Variants in FDFT1 observed in about 807,000 individuals in gnomAD.
FDFT1 encodes the protein squalene synthase.
In FDFT1, 68 loss-of-function variants were observed where a neutral mutation model predicts 46.8. The observed-to-expected ratio is 1.45, with a 90% CI of 1.19 to 1.78. The LOEUF is 1.78. Among genes scored for constraint, FDFT1 ranks in the 40% most tolerant of loss-of-function variants. The pLI is 0.00. For missense variants in FDFT1, 928 were observed against 524.4 expected (o/e 1.77, Z -7.52); for synonymous variants, 351 against 185.1 (o/e 1.90, Z -7.28).
chr8:11,804,600 C>CTTTTTTTTTT (rs5889385), intron 1 of FDFT1, among the ~76,000 whole-genome samples: 3 of 97,352 alleles, frequency 3.1e-5, no homozygotes, highest in African/African-American at 3.9e-5. Context: ...CTTAGTTTCT[C>CTTTTTTTTTT]TTTTTTTTTT....
In FDFT1 at chr8:11,831,578, G is replaced by C. The variant is rs1440783366; in HGVS notation, c.940G>C (p.Val314Leu). The change falls in exon 7 of 8, where the codon GTG (valine) becomes CTG (leucine). Residue 314 changes from valine (V) to leucine (L), a missense_variant. Val to Leu is a conservative substitution (Grantham distance 32, BLOSUM62 1). Transcript: ENST00000220584. ...YNNQQVFKGA[V>L]KIRKGQAVTL... Reference sequence around the variant, plus strand: ...TAACCAGCAGGTGTTCAAAGGGGCAGTGAAGATTCGGAAAGGGCAAGCAGT... The same window carrying C: ...TAACCAGCAGGTGTTCAAAGGGGCACTGAAGATTCGGAAAGGGCAAGCAGT... 2.5e-6 allele frequency: 4 copies of C among 1,613,966 alleles called. No individual in the cohort carries two copies. The highest frequency in any genetic ancestry group is 3.4e-6 in the Non-Finnish European group (4 of 1,179,912).
chr8:11,826,810 C>T (rs532162709), intron 5 of FDFT1, among the ~76,000 whole-genome samples: 2 of 152,082 alleles, frequency 1.3e-5, no homozygotes, highest in African/African-American at 4.8e-5. Context: ...GTGAGACTCC[C>T]TCTCAAAAGA....
rs540934863 is a variant in FDFT1, at chr8:11,827,722, C to G, written c.702+1507C>G. On this transcript the variant is annotated intron_variant, in intron 5 of 7. Coordinates refer to ENST00000220584, the MANE Select transcript of FDFT1 (RefSeq NM_004462.5). ...TTAAAAATCTGAAAAGATGCTGAGT[C>G]TTACTCCTAAGAAAAATTCACATTT... Among the ~76,000 whole-genome samples, 3 of 152,208 alleles carry G rather than the reference C, an allele frequency of 2.0e-5. No individual in the cohort carries two copies. The East Asian group carries it at 5.8e-4, about 29-fold the overall frequency.
At chr8:11,822,583 G>C (rs533172513) in intron 4 of FDFT1, among the ~76,000 whole-genome samples, 1 of 152,234 alleles carries the variant, frequency 6.6e-6, no homozygotes, top group Non-Finnish European at 1.5e-5. Context: ...GGAGGCTGAG[G>C]TGGGAGGATC....
At chr8:11,804,287 T>C (rs1252555912) in intron 1 of FDFT1, among the ~76,000 whole-genome samples, 2 of 152,220 alleles carry the variant, frequency 1.3e-5, no homozygotes, top group South Asian at 2.1e-4. Flanking sequence ...TATGTCTCTT[T>C]CCTTTCTACA....
At chr8:11,824,184 C>G (rs891447087) in intron 4 of FDFT1, among the ~76,000 whole-genome samples, 2 of 152,134 alleles carry the variant, frequency 1.3e-5, no homozygotes, top group Non-Finnish European at 1.5e-5. Context: ...TTCCTAATGA[C>G]ACTCCAGAGC....
intron 7 of FDFT1, among the ~76,000 whole-genome samples, chr8:11,836,134 C>G (rs1165758348): frequency 1.4e-5 from 2 of 143,706 alleles, no homozygotes; most frequent in African/African-American, 5.2e-5. Flanking sequence ...GCCTGGGTGA[C>G]AGAGCGAGAC....
upstream of FDFT1, among the ~76,000 whole-genome samples, chr8:11,800,256 G>T (rs1805975715): frequency 3.5e-5 from 2 of 57,584 alleles, no homozygotes; most frequent in Admixed American, 3.3e-4. Context: ...GTGAAATTCT[G>T]TCTCAAAAAA....
Position 11,826,235 on chromosome 8 carries a change from T to G in FDFT1, c.702+20T>G. 1 of 1,483,006 alleles carries G rather than the reference T, an allele frequency of 6.7e-7. No homozygotes were observed. The highest frequency in any genetic ancestry group is 9.1e-7 in the Non-Finnish European group (1 of 1,099,856). 91.9% of individuals were successfully genotyped at this position (1,483,006 alleles called of 1,614,324 possible). ...CAAGAGGTAACAGATTCAGGGTATT[T>G]TGGGGGAAAATAACTTTAGACATTC... On this transcript the variant is annotated intron_variant, in intron 5 of 7. Coordinates refer to ENST00000220584, the MANE Select transcript of FDFT1 (RefSeq NM_004462.5).
intron 1 of FDFT1, chr8:11,808,346 C>A (rs879802170): frequency 1.6e-6 from 2 of 1,233,598 alleles, no homozygotes; most frequent in African/African-American, 3.1e-5. Context: ...GGAGGAGGCG[C>A]CGGTGCGGAG....
intron 3 of FDFT1, among the ~76,000 whole-genome samples, chr8:11,814,343 T>G (rs1808151545): frequency 6.6e-6 from 1 of 150,682 alleles, no homozygotes; most frequent in South Asian, 2.1e-4. Context: ...TATTGACAGT[T>G]GATGTTAATC....
intron 3 of FDFT1, among the ~76,000 whole-genome samples, chr8:11,814,796 A>G (rs918598114): frequency 2.7e-5 from 4 of 148,768 alleles, no homozygotes; most frequent in African/African-American, 9.9e-5. Context: ...TAAATTGGGT[A>G]ACTAATGAGA....
At position 11,803,038 on chromosome 8, in the gene FDFT1, G is replaced by C. The variant is rs968533943; in HGVS notation, c.99+107G>C. On this transcript the variant is annotated intron_variant, in intron 1 of 7. Transcript: ENST00000220584. ...TCTGGGGCAAGGGGCGCGGCGAGCA[G>C]GGCCGACGCCTGGGTGTTCCCGTCC... is the stretch of plus-strand genomic sequence containing the variant. The C allele has an allele frequency of 6.1e-6, 9 of 1,484,562 alleles. No individual in the cohort carries two copies. In the African/African-American group the frequency reaches 1.3e-4, roughly 21 times the overall value. The allele number at this position is 1,484,562 out of a possible 1,614,324, so 92.0% of individuals were successfully genotyped here.
chr8:11,805,128 G>T (rs1461051714), intron 1 of FDFT1, among the ~76,000 whole-genome samples: 4 of 151,500 alleles, frequency 2.6e-5, no homozygotes, highest in Non-Finnish European at 4.4e-5. Flanking sequence ...CATTGCCCAG[G>T]CTGGTCTTGA....
upstream of FDFT1, among the ~76,000 whole-genome samples, chr8:11,800,208 C>T (rs1805969875): frequency 8.2e-6 from 1 of 121,812 alleles, no homozygotes; most frequent in Non-Finnish European, 1.6e-5. Context: ...TGGCAGTGAA[C>T]CGAGACTGTG....
chr8:11,802,416 C>G (rs927971692), upstream of FDFT1: 10 of 458,064 alleles, frequency 2.2e-5, no homozygotes, highest in East Asian at 2.8e-4. Context: ...GCCCCACCGC[C>G]TCACCTCCAG....
chr8:11,814,521 G>C (rs1808175216), intron 3 of FDFT1, among the ~76,000 whole-genome samples: 1 of 152,050 alleles, frequency 6.6e-6, no homozygotes, highest in Non-Finnish European at 1.5e-5. Context: ...TCTCTTCACT[G>C]TTTGCAGTAT....
chr8:11,823,538 C>T (rs1288889090), intron 4 of FDFT1, among the ~76,000 whole-genome samples: 1 of 152,048 alleles, frequency 6.6e-6, no homozygotes, highest in African/African-American at 2.4e-5. Flanking sequence ...CATTCTTCCC[C>T]CTGATTAGTC....
intron 1 of FDFT1, among the ~76,000 whole-genome samples, chr8:11,806,953 CT>C (rs1287437450): frequency 5.9e-5 from 9 of 152,134 alleles, no homozygotes; most frequent in South Asian, 4.1e-4. Context: ...AATAAAATGA[CT>C]TTTTCAGGAT....
Sources: allele counts gnomAD v4.1 joint callset (sites outside exome capture counted in the v4.1 genomes callset), GRCh38; gene constraint gnomAD v4.1.1; transcripts MANE v1.5; gene names NCBI Gene and HGNC (gene_info 2026-07-23, HGNC 2026-07-21).